MMD: variants seen among roughly 807,000 people sequenced by gnomAD.
The protein encoded by MMD is monocyte to macrophage differentiation factor.
In MMD, 22 loss-of-function variants were observed where a neutral mutation model predicts 33.6. The observed-to-expected ratio is 0.66, with a 90% CI of 0.47 to 0.94. The LOEUF (loss-of-function observed/expected upper bound fraction) is 0.94. MMD is among the 40% of genes least tolerant of loss of function. The pLI is 0.00. For missense variants in MMD, 242 were observed against 309.8 expected, an observed-to-expected ratio of 0.78 and a Z score of 1.64; for synonymous variants, 97 against 103.2, an observed-to-expected ratio of 0.94 and a Z score of 0.36.
chr17:55,397,346 G>C (rs950735912), intron 6 of MMD, among the ~76,000 whole-genome samples: 1 of 151,674 alleles, frequency 6.6e-6, no homozygotes, highest in African/African-American at 2.4e-5. Context: ...ATTTTTAGTA[G>C]AGACGGGTTT....
chr17:55,421,691 C>T lies in MMD; in HGVS notation c.5G>A (p.Arg2Gln). 4 of 1,593,574 alleles carry T rather than the reference C, an allele frequency of 2.5e-6. No homozygotes were observed. The highest frequency in any genetic ancestry group is 1.1e-5 in the South Asian group (1 of 89,588). The change falls in exon 1 of 7, where the codon CGG (arginine) becomes CAG (glutamine). Residue 2 changes from arginine (R) to glutamine (Q), a missense_variant. By Grantham distance (43) the Arg-to-Gln change is conservative. Transcript: ENST00000262065. The part of the protein sequence containing the change: M[R>Q]FKNRFQRFMN... ...TCACCGCTGGAATCGATTCTTGAAC[C>T]GCATTGATCCTCTGCTCCTCCTCGG...
chr17:55,421,582 T>A, intron 1 of MMD, 88 bp downstream of exon 1: 1 of 1,555,616 alleles, frequency 6.4e-7, no homozygotes, highest in Non-Finnish European at 8.7e-7. Context: ...TGAATCCAGG[T>A]GAGGAGCCGG....
At chr17:55,421,149 G>A (rs1240747880) in intron 1 of MMD, among the ~76,000 whole-genome samples, 1 of 152,232 alleles carries the variant, frequency 6.6e-6, no homozygotes, top group African/African-American at 2.4e-5. Context: ...CTGTTGCTAG[G>A]GCCGTTCACA....
intron 1 of MMD, among the ~76,000 whole-genome samples, chr17:55,416,520 T>C (rs1184988280): frequency 1.3e-5 from 2 of 152,202 alleles, no homozygotes; most frequent in Non-Finnish European, 2.9e-5. Flanking sequence ...ATTCTCTAAA[T>C]CTGGGGCTCA....
At chr17:55,398,225 C>T (rs1322413777) in intron 6 of MMD, among the ~76,000 whole-genome samples, 1 of 151,522 alleles carries the variant, frequency 6.6e-6, no homozygotes, top group Non-Finnish European at 1.5e-5. Context: ...TTCTCTCATG[C>T]TTCAGTTTGT....
intron 2 of MMD, among the ~76,000 whole-genome samples, chr17:55,412,838 A>C (rs531658924): frequency 3.9e-5 from 6 of 152,262 alleles, no homozygotes; most frequent in African/African-American, 1.4e-4. Context: ...TTTTTCATAA[A>C]ACAAAATGTA....
chr17:55,420,323 C>A (rs1908130504), intron 1 of MMD: 1 of 152,208 alleles, frequency 6.6e-6, no homozygotes. Context: ...TTTCTGACAT[C>A]AGGTTCTAAA....
chr17:55,407,306 A>G (rs1437900248), intron 4 of MMD, among the ~76,000 whole-genome samples: 1 of 96,854 alleles, frequency 1.0e-5, no homozygotes, highest in African/African-American at 3.8e-5. Flanking sequence ...CTCAAAATAA[A>G]TAAATAAATA....
chr17:55,418,038 G>C (rs907543756), intron 1 of MMD, among the ~76,000 whole-genome samples: 1 of 152,136 alleles, frequency 6.6e-6, no homozygotes, highest in Non-Finnish European at 1.5e-5. Flanking sequence ...GGTTGTGTCT[G>C]CCTCTGGGCA....
chr17:55,420,903 T>C (rs949218777), intron 1 of MMD, among the ~76,000 whole-genome samples: 5 of 152,116 alleles, frequency 3.3e-5, no homozygotes, highest in Non-Finnish European at 5.9e-5. Flanking sequence ...CAGCCCGGCA[T>C]TTCCACCAGC....
rs771435066 is a variant in MMD at position 55,414,236 on chromosome 17, TA to T, written c.27-5del. The stretch of plus-strand genomic sequence containing the variant: ...TGGAGCTCGATGGTTCATGAACCTG[TA>T]AAAACAAAAAGAACACATGTAAGAA... On this transcript the variant is annotated splice_polypyrimidine_tract_variant and splice_region_variant and intron_variant, in intron 1 of 6. Transcript: ENST00000262065. 1 of 1,613,366 alleles carries T rather than the reference TA, an allele frequency of 6.2e-7. No individual in the cohort carries two copies. The highest frequency in any genetic ancestry group is 2.2e-5 in the East Asian group (1 of 44,872).
At position 55,393,794 on chromosome 17, in the gene MMD, G is replaced by C. The variant is rs1376302510; in HGVS notation, c.*540C>G. ...CTGCAAAAATTTACAACATGAATGA[G>C]GACCTGCAGAGATGCATATCAATGA... On this transcript the variant is annotated 3_prime_UTR_variant, in exon 7 of 7. Transcript: ENST00000262065. 1 of 152,534 alleles carries C rather than the reference G, an allele frequency of 6.6e-6. No homozygotes were observed. Among genetic ancestry groups the C allele is most frequent in the East Asian group, 1.9e-4 (1 of 5,196 alleles). The allele number at this position is 152,534 out of a possible 1,614,324, so 9.4% of individuals were successfully genotyped here.
rs1907017626 is a variant in MMD at position 55,394,238 on chromosome 17, T to C, written c.*96A>G. 1.1e-6 allele frequency: 1 copy of C among 892,050 alleles called. No individual in the cohort carries two copies. Among genetic ancestry groups the C allele is most frequent in the Admixed American group, 3.1e-5 (1 of 32,250 alleles). 55.3% of individuals were successfully genotyped at this position (892,050 alleles called of 1,614,324 possible). A position where few individuals can be genotyped will look rare whatever the true frequency, so the allele number is the denominator to read the frequency against. On this transcript the variant is annotated 3_prime_UTR_variant, in exon 7 of 7. Transcript: ENST00000262065. The stretch of plus-strand genomic sequence containing the variant: ...TCAAAAGATATAAAGTCAGTGCAGT[T>C]ATTTTTTTTCTTTCCCTGTGCAATG...
intron 1 of MMD, among the ~76,000 whole-genome samples, chr17:55,419,013 G>A (rs2143165373): frequency 6.6e-6 from 1 of 152,330 alleles, no homozygotes; most frequent in East Asian, 1.9e-4. Context: ...AGAGTTAAGA[G>A]AGAGAAAGAG....
intron 3 of MMD, among the ~76,000 whole-genome samples, chr17:55,409,763 G>A (rs1907690619): frequency 6.6e-6 from 1 of 152,216 alleles, no homozygotes; most frequent in Non-Finnish European, 1.5e-5. Context: ...GAATACTGAA[G>A]TAGGTACCTA....
intron 3 of MMD, among the ~76,000 whole-genome samples, chr17:55,409,521 G>C (rs1907682249): frequency 6.6e-6 from 1 of 152,174 alleles, no homozygotes; most frequent in African/African-American, 2.4e-5. Flanking sequence ...GAGTATGTGT[G>C]AACATTAAAT....
intron 2 of MMD, 44 bp from the exon 3 acceptor site, chr17:55,411,461 T>A: frequency 6.4e-7 from 1 of 1,555,706 alleles, no homozygotes; most frequent in Non-Finnish European, 8.7e-7. Flanking sequence ...TTCTGGCTTT[T>A]ATGGAATTGA....
rs1907761954 is a variant in MMD, at chr17:55,411,491, G to C, written c.109-74C>G. The stretch of plus-strand genomic sequence containing the variant: ...AATTGAGTCTTTTACTAAAAATACA[G>C]AGCTTTACCAGGAACAATTTTAGTA... On this transcript the variant is annotated intron_variant, in intron 2 of 6. Coordinates refer to ENST00000262065, the MANE Select transcript of MMD (RefSeq NM_012329.3). 6 of 1,449,886 alleles carry C rather than the reference G, an allele frequency of 4.1e-6. No homozygotes were observed. In the South Asian group the frequency reaches 6.9e-5, roughly 17 times the overall value. 89.8% of individuals were successfully genotyped at this position (1,449,886 alleles called of 1,614,324 possible).
intron 1 of MMD, chr17:55,420,486 ACCATGGCAACT>A (rs1178154120): frequency 2.0e-5 from 3 of 152,248 alleles, no homozygotes; most frequent in African/African-American, 7.2e-5. Flanking sequence ...GGTGGCCCAG[ACCATGGCAACT>A]CTTCTGTGCA....
Sources: gnomAD v4.1 joint callset for allele counts (sites outside exome capture counted in the v4.1 genomes callset) on GRCh38, gnomAD v4.1.1 for gene constraint, MANE v1.5 for transcripts, NCBI Gene and HGNC (gene_info 2026-07-23, HGNC 2026-07-21) for gene names.